The following MCU variants were observed in gnomAD, a reference collection of about 807,000 sequenced individuals.
MCU encodes calcium uniporter protein, mitochondrial.
Under a neutral mutation model 45.2 loss-of-function variants are expected in MCU, and 12 were observed. That is an observed-to-expected ratio of 0.27 (90% CI 0.17 to 0.43). The LOEUF is 0.43. MCU is among the 20% of genes least tolerant of loss of function. The pLI is 1.00. For missense variants in MCU, 324 were observed against 436.7 expected (o/e 0.74, Z 2.30); for synonymous variants, 160 against 165.1 (o/e 0.97, Z 0.24).
chr10:72,721,916 T>C (rs1843026984), intron 1 of MCU, among the ~76,000 whole-genome samples: 1 of 152,222 alleles, frequency 6.6e-6, no homozygotes, highest in South Asian at 2.1e-4. Flanking sequence ...CAAATCAGTT[T>C]GGGCCTCTTA....
At chr10:72,773,522 G>A (rs1050016739) in intron 1 of MCU, among the ~76,000 whole-genome samples, 2 of 152,106 alleles carry the variant, frequency 1.3e-5, no homozygotes, top group Non-Finnish European at 2.9e-5. Context: ...AAGACTTACT[G>A]GTGTTCAAGA....
At chr10:72,882,105 G>T (rs1845711640) in intron 6 of MCU, among the ~76,000 whole-genome samples, 4 of 152,160 alleles carry the variant, frequency 2.6e-5, no homozygotes, top group African/African-American at 9.7e-5. Context: ...AACACAAATT[G>T]TGAAGGTTTC....
chr10:72,841,417 C>T (rs889371148), intron 2 of MCU, among the ~76,000 whole-genome samples: 1 of 152,146 alleles, frequency 6.6e-6, no homozygotes, highest in African/African-American at 2.4e-5. Flanking sequence ...CCTGCCTCAG[C>T]CTCCCGAGTA....
At chr10:72,869,683 A>G (rs1471262256) in intron 5 of MCU, among the ~76,000 whole-genome samples, 2 of 152,258 alleles carry the variant, frequency 1.3e-5, no homozygotes, top group Non-Finnish European at 2.9e-5. Flanking sequence ...TATAGCATTT[A>G]CATTGTATTA....
intron 7 of MCU, 104 bp from the exon 8 acceptor site, chr10:72,885,641 C>T (rs763176666): frequency 1.4e-6 from 1 of 732,002 alleles, no homozygotes; most frequent in Non-Finnish European, 2.4e-6. Context: ...TTGAGATGAT[C>T]TCTCTGACTT....
intron 6 of MCU, among the ~76,000 whole-genome samples, chr10:72,879,662 T>TA (rs1157724309): frequency 2.0e-5 from 3 of 152,186 alleles, no homozygotes; most frequent in African/African-American, 7.2e-5. Context: ...GCAACAAAAA[T>TA]GGTAAACCTG....
At position 72,867,811 on chromosome 10, in the gene MCU, C is replaced by T. The variant is rs369760967; in HGVS notation, c.497-892C>T. Among the ~76,000 whole-genome samples, 426 of 148,336 alleles carry T rather than the reference C, an allele frequency of 2.9e-3. 4 individuals carry two copies. The highest frequency in any genetic ancestry group is 0.01 in the African/African-American group (400 of 39,990). On this transcript the variant is annotated intron_variant, in intron 4 of 7. Coordinates refer to ENST00000373053, the MANE Select transcript of MCU (RefSeq NM_138357.3). ...TGGAGCTTGCAGTGAGCCGAGATCG[C>T]GCCACTGCACTCCAGCCTGGGTAAC...
intron 1 of MCU, among the ~76,000 whole-genome samples, chr10:72,781,829 A>G (rs1188097474): frequency 2.6e-5 from 4 of 152,104 alleles, no homozygotes; most frequent in Admixed American, 6.5e-5. Flanking sequence ...CCAAAGGAAT[A>G]ATGATCTTGG....
chr10:72,822,950 C>T (rs575669174), intron 1 of MCU, among the ~76,000 whole-genome samples: 18 of 152,272 alleles, frequency 1.2e-4, no homozygotes, highest in Non-Finnish European at 2.1e-4. Flanking sequence ...TATAAATACT[C>T]GTATGGCGAT....
intron 1 of MCU, among the ~76,000 whole-genome samples, chr10:72,822,875 G>A (rs1428609144): frequency 6.6e-6 from 1 of 152,090 alleles, no homozygotes; most frequent in African/African-American, 2.4e-5. Flanking sequence ...TGTTGGTAAG[G>A]ATATAGAGAA....
chr10:72,708,414 C>T (rs2132657536), intron 1 of MCU: 1 of 152,294 alleles, frequency 6.6e-6, no homozygotes, highest in East Asian at 1.9e-4. Flanking sequence ...CTGAGTTGTA[C>T]CTTGCCAGCC....
chr10:72,878,337 G>T (rs2132895894), intron 6 of MCU, among the ~76,000 whole-genome samples: 1 of 151,896 alleles, frequency 6.6e-6, no homozygotes, highest in East Asian at 1.9e-4. Context: ...ACTCTGACCG[G>T]TCTCAAACTC....
chr10:72,751,918 C>T (rs867893843), intron 1 of MCU, among the ~76,000 whole-genome samples: 35 of 151,874 alleles, frequency 2.3e-4, no homozygotes, highest in African/African-American at 8.5e-4. Context: ...CGGCTCACTG[C>T]AGCCTCCACC....
At chr10:72,880,353 A>G (rs949431195) in intron 6 of MCU, among the ~76,000 whole-genome samples, 4 of 152,240 alleles carry the variant, frequency 2.6e-5, no homozygotes, top group African/African-American at 9.6e-5. Flanking sequence ...TGGATACAAG[A>G]TCAATGTATG....
At chr10:72,727,986 A>C (rs1843122890) in intron 1 of MCU, among the ~76,000 whole-genome samples, 1 of 151,928 alleles carries the variant, frequency 6.6e-6, no homozygotes, top group Admixed American at 6.6e-5. Context: ...CTACTTAGCC[A>C]GGAAAAATGC....
rs113204658 is a variant in MCU, at chr10:72,801,425, G to A, written c.151-32934G>A. Among the ~76,000 whole-genome samples the A allele has an allele frequency of 7.9e-3, 1,173 of 147,832 alleles. 16 individuals are homozygous for A. Among genetic ancestry groups the A allele is most frequent in the African/African-American group, 0.028 (1,104 of 39,820 alleles). On this transcript the variant is annotated intron_variant, in intron 1 of 7. Coordinates refer to ENST00000373053, the MANE Select transcript of MCU (RefSeq NM_138357.3). The stretch of plus-strand genomic sequence containing the variant: ...TGGTTCTGTTGATTTTATAGGTACA[G>A]TGTAGTGAATGTAAGTGCCAGCCAG...
chr10:72,717,591 A>G (rs542384841), intron 1 of MCU, among the ~76,000 whole-genome samples: 11 of 152,144 alleles, frequency 7.2e-5, no homozygotes, highest in Non-Finnish European at 1.5e-4. Flanking sequence ...CTAAGTGCTT[A>G]TAGTATATAC....
chr10:72,719,557 AG>A (rs1842994530), intron 1 of MCU, among the ~76,000 whole-genome samples: 1 of 152,306 alleles, frequency 6.6e-6, no homozygotes, highest in Admixed American at 6.5e-5. Context: ...TACATCAGCA[AG>A]TGAGCTGTAG....
intron 1 of MCU, chr10:72,692,665 A>G (rs1460536788): frequency 1.7e-6 from 2 of 1,191,512 alleles, no homozygotes; most frequent in African/African-American, 1.6e-5. Flanking sequence ...ACGGAGCCAG[A>G]TGGAAGTTGT....
Sources: gnomAD v4.1 joint callset for allele counts (sites outside exome capture counted in the v4.1 genomes callset) on GRCh38, gnomAD v4.1.1 for gene constraint, MANE v1.5 for transcripts, NCBI Gene and HGNC (gene_info 2026-07-23, HGNC 2026-07-21) for gene names.